FILIP1L: variants seen among roughly 807,000 people sequenced by gnomAD.
The protein encoded by FILIP1L is filamin A interacting protein 1 like, also known as filamin A-interacting protein 1-like.
In FILIP1L, 55 loss-of-function variants were observed where a neutral mutation model predicts 96.6. The observed-to-expected ratio is 0.57, with a 90% CI of 0.46 to 0.71. FILIP1L has a LOEUF of 0.71. Among genes scored for constraint, FILIP1L ranks in the 30% least tolerant of loss-of-function variants. FILIP1L has a pLI of 0.00. For synonymous variants in FILIP1L, 467 were observed against 473.9 expected (o/e 0.99, Z 0.19); for missense variants, 1,304 against 1,321.2 (o/e 0.99, Z 0.20).
chr3:99,910,994 G>A (rs767512111), intron 4 of FILIP1L, among the ~76,000 whole-genome samples: 4 of 152,066 alleles, frequency 2.6e-5, no homozygotes, highest in African/African-American at 7.2e-5. Flanking sequence ...ATAAATAGAC[G>A]CTCCTGTTTC....
At chr3:99,913,636 C>T (rs1405117969) in intron 4 of FILIP1L, among the ~76,000 whole-genome samples, 1 of 152,078 alleles carries the variant, frequency 6.6e-6, no homozygotes, top group Non-Finnish European at 1.5e-5. Flanking sequence ...TCATGAATTG[C>T]TGATATATGC....
chr3:99,914,619 G>A (rs1211132220), intron 4 of FILIP1L, among the ~76,000 whole-genome samples: 1 of 152,164 alleles, frequency 6.6e-6, no homozygotes, highest in Non-Finnish European at 1.5e-5. Flanking sequence ...TTCATTGTTA[G>A]TAATGGTATA....
chr3:99,851,686 A>C (rs775592356), intron 4 of FILIP1L, among the ~76,000 whole-genome samples: 29 of 152,214 alleles, frequency 1.9e-4, no homozygotes, highest in Admixed American at 5.2e-4. Context: ...AAAGTGTTCA[A>C]TTAATGTTTG....
intron 4 of FILIP1L, chr3:99,876,106 G>C: frequency 7.1e-6 from 7 of 986,576 alleles, no homozygotes; most frequent in Non-Finnish European, 8.4e-6. Context: ...GCGGGGGCCG[G>C]GCCGGGGCCG....
chr3:100,017,133 T>A lies in FILIP1L; in HGVS notation c.-10-86103A>T, dbSNP rs143399516. Among the ~76,000 whole-genome samples the A allele has an allele frequency of 7.2e-3, 1,096 of 152,310 alleles. 4 individuals carry two copies. The highest frequency in any genetic ancestry group is 1.0e-2 in the African/African-American group (415 of 41,556). On this transcript the variant is annotated intron_variant, in intron 1 of 5. Coordinates refer to ENST00000477258, the MANE Select transcript of FILIP1L (RefSeq NM_001387850.1). ...TTGTCAAAATGATATTTCCTGAAAA[T>A]GTTTGTCATCAAAAATCAGAATTTA...
chr3:99,881,430 T>G (rs1277235238), intron 4 of FILIP1L, among the ~76,000 whole-genome samples: 1 of 152,208 alleles, frequency 6.6e-6, no homozygotes, highest in East Asian at 1.9e-4. Flanking sequence ...AAAGACCTAT[T>G]AGGTCATCTT....
intron 1 of FILIP1L, among the ~76,000 whole-genome samples, chr3:99,948,677 A>G (rs1166265507): frequency 6.7e-6 from 1 of 149,834 alleles, no homozygotes; most frequent in Non-Finnish European, 1.5e-5. Context: ...GGAAAGAGGA[A>G]GAAGAAGAGG....
Position 99,849,741 on chromosome 3 carries a change from A to T in FILIP1L, c.1935T>A (p.Ile645=). ...LKLKLKDMKA[I]EDDLMKTEDE... is the part of the protein sequence containing the mutation. ...CTTCTGTTTTCATGAGGTCATCCTCAATGGCTTTCATGTCCTTTAGCTTCA... is the reference window on the plus strand; with the variant it reads ...CTTCTGTTTTCATGAGGTCATCCTCTATGGCTTTCATGTCCTTTAGCTTCA... The change falls in exon 5 of 6, where the codon ATT becomes ATA. Residue 645 remains isoleucine, a synonymous_variant. Coordinates refer to ENST00000477258, the MANE Select transcript of FILIP1L (RefSeq NM_001387850.1). 6.2e-7 allele frequency: 1 copy of T among 1,613,822 alleles called. No individual in the cohort carries two copies. Among genetic ancestry groups the T allele is most frequent in the Non-Finnish European group, 8.5e-7 (1 of 1,180,010 alleles).
intron 1 of FILIP1L, among the ~76,000 whole-genome samples, chr3:100,032,690 T>A (rs1176201719): frequency 6.6e-6 from 1 of 152,230 alleles, no homozygotes; most frequent in Non-Finnish European, 1.5e-5. Flanking sequence ...AAACATTTTT[T>A]AAAATAGTAT....
rs1706742617 is a variant in FILIP1L, at chr3:99,909,990, T to C, written c.605+14240A>G. Among the ~76,000 whole-genome samples, 2 of 83,800 alleles carry C rather than the reference T, an allele frequency of 2.4e-5. 1 individual carries two copies. The highest frequency in any genetic ancestry group is 6.4e-5 in the Non-Finnish European group (2 of 31,076). The allele number at this position is 83,800 out of a possible 152,430, so 55.0% of individuals were successfully genotyped here. A position where few individuals can be genotyped will look rare whatever the true frequency, so the allele number is the denominator to read the frequency against. The stretch of plus-strand genomic sequence containing the variant: ...TCAGTTCTCGGGGCAAAATGTGTAT[T>C]CAGAGCTGAAATTTTGTTTAAGAAT... On this transcript the variant is annotated intron_variant, in intron 4 of 5. Coordinates refer to ENST00000477258, the MANE Select transcript of FILIP1L (RefSeq NM_001387850.1).
rs6801288 is a variant in FILIP1L, at chr3:100,105,741, A to G, written c.-11+8312T>C. ...GCAATCCCAGGAGACATTTCAGAAGATCAGTTTCCTTTTTAGAAGCCCATG... is the reference window on the plus strand; with the variant it reads ...GCAATCCCAGGAGACATTTCAGAAGGTCAGTTTCCTTTTTAGAAGCCCATG... On this transcript the variant is annotated intron_variant, in intron 1 of 5. Transcript: ENST00000477258. Among the ~76,000 whole-genome samples, 693 of 152,278 alleles carry G rather than the reference A, an allele frequency of 4.6e-3. 7 individuals are homozygous for G. The highest frequency in any genetic ancestry group is 0.016 in the African/African-American group (678 of 41,562).
chr3:100,066,995 C>T (rs1479214110), intron 1 of FILIP1L, among the ~76,000 whole-genome samples: 1 of 152,144 alleles, frequency 6.6e-6, no homozygotes, highest in Non-Finnish European at 1.5e-5. Flanking sequence ...GTGTCCCATA[C>T]ACATATTGAG....
chr3:99,991,817 G>GGT (rs1300054193), intron 1 of FILIP1L, among the ~76,000 whole-genome samples: 19 of 112,238 alleles, frequency 1.7e-4, no homozygotes, highest in Admixed American at 1.2e-3. Flanking sequence ...AGTATTCCAT[G>GGT]GTGTGTGTAT....
At chr3:100,096,337 A>G (rs1208158622) in intron 1 of FILIP1L, among the ~76,000 whole-genome samples, 1 of 152,226 alleles carries the variant, frequency 6.6e-6, no homozygotes, top group African/African-American at 2.4e-5. Flanking sequence ...ACTGTTCACA[A>G]TAGCCAAGAT....
At chr3:99,886,475 G>A (rs1705901262) in intron 4 of FILIP1L, among the ~76,000 whole-genome samples, 1 of 152,064 alleles carries the variant, frequency 6.6e-6, no homozygotes, top group Admixed American at 6.5e-5. Flanking sequence ...TTTGTGTTGG[G>A]CTACATTCAA....
At chr3:99,852,486 G>C (rs746206026) in intron 4 of FILIP1L, among the ~76,000 whole-genome samples, 2 of 151,554 alleles carry the variant, frequency 1.3e-5, no homozygotes, top group East Asian at 3.9e-4. Flanking sequence ...TCACTCTGTC[G>C]CCAGGCTGGA....
At chr3:99,830,670 T>C (rs578038919) in intron 5 of FILIP1L, 65 bp from the exon 6 acceptor site, 3 of 444,290 alleles carry the variant, frequency 6.8e-6, no homozygotes, top group Non-Finnish European at 1.4e-5. Context: ...AGAAATTGTT[T>C]AGGACATGGA....
intron 1 of FILIP1L, among the ~76,000 whole-genome samples, chr3:99,933,922 A>G (rs182118082): frequency 7.4e-4 from 112 of 152,332 alleles, no homozygotes; most frequent in Non-Finnish European, 1.4e-3. Context: ...GAGGCTAAAT[A>G]ACAATGGCTC....
intron 1 of FILIP1L, among the ~76,000 whole-genome samples, chr3:100,089,413 A>C (rs186815120): frequency 2.6e-4 from 40 of 152,352 alleles, no homozygotes; most frequent in Admixed American, 1.2e-3. Flanking sequence ...TCAAAATTAA[A>C]TATTCTTTGT....
Sources: gnomAD v4.1 joint callset for allele counts (sites outside exome capture counted in the v4.1 genomes callset) on GRCh38, gnomAD v4.1.1 for gene constraint, MANE v1.5 for transcripts, NCBI Gene and HGNC (gene_info 2026-07-23, HGNC 2026-07-21) for gene names.